Variants in SLC4A1 observed in about 807,000 individuals in gnomAD.
The protein encoded by SLC4A1 is band 3 anion transport protein.
In SLC4A1, 29 loss-of-function variants were observed where a neutral mutation model predicts 93.1. The ratio of observed to expected loss-of-function variants is 0.31; its 90% CI spans 0.23 to 0.42. SLC4A1 has a LOEUF of 0.42. SLC4A1 is among the 20% of genes least tolerant of loss of function. SLC4A1 has a pLI of 1.00. For synonymous variants in SLC4A1, 469 were observed against 497.2 expected (o/e 0.94, Z 0.76); for missense variants, 965 against 1,190.1 (o/e 0.81, Z 2.78).
chr17:44,254,094 C>T (rs953627844), intron 16 of SLC4A1, among the ~76,000 whole-genome samples: 4 of 151,700 alleles, frequency 2.6e-5, no homozygotes, highest in Admixed American at 6.6e-5. Context: ...CCTGCCTCAG[C>T]CTCCCAAGTA....
At position 44,262,629 on chromosome 17, in the gene SLC4A1, G is replaced by T. The variant is rs908390841; in HGVS notation, c.106+7C>A. Reference sequence around the variant, plus strand: ...TCATCCCAGCTGAGGGAGGGAGAGGGGCTCACCTGCCGGCTCCTCCATCTG... The same window carrying T: ...TCATCCCAGCTGAGGGAGGGAGAGGTGCTCACCTGCCGGCTCCTCCATCTG... On this transcript the variant is annotated splice_region_variant and intron_variant, in intron 3 of 19. Transcript: ENST00000262418. The T allele has an allele frequency of 1.1e-5, 18 of 1,604,034 alleles. No individual in the cohort carries two copies. The highest frequency in any genetic ancestry group is 1.4e-5 in the Non-Finnish European group (17 of 1,173,948).
chr17:44,257,360 T>C lies in SLC4A1; in HGVS notation c.1616A>G (p.Lys539Arg). Residue 539 changes from lysine to arginine, a missense_variant, in exon 13 of 20, where the codon AAG (lysine) becomes AGG (arginine). Physicochemically the swap from Lys to Arg is conservative, Grantham distance 26. Around this residue, in one of 2 missense-constraint regions of SLC4A1, gnomAD observed 770 missense variants for 1,006.6 expected, o/e 0.76. Transcript: ENST00000262418. Reference sequence around the variant, plus strand: ...CCCATAGGCCCCCACCTTGATCAGCTTGGAGAAAGTCTCATAGATGAAGAT... The same window carrying C: ...CCCATAGGCCCCCACCTTGATCAGCCTGGAGAAAGTCTCATAGATGAAGAT... ...SLIFIYETFS[K>R]LIKIFQDHPL... 1.2e-6 allele frequency: 2 copies of C among 1,613,736 alleles called. No individual in the cohort carries two copies. Among genetic ancestry groups the C allele is most frequent in the Non-Finnish European group, 1.7e-6 (2 of 1,179,962 alleles).
intron 8 of SLC4A1, 23 bp downstream of exon 8, chr17:44,259,474 A>C: frequency 6.2e-7 from 1 of 1,605,722 alleles, no homozygotes; most frequent in East Asian, 2.2e-5. Flanking sequence ...TGGAGGGCTG[A>C]GGGTAGAGAT....
intron 16 of SLC4A1, among the ~76,000 whole-genome samples, chr17:44,253,919 C>T (rs1267776332): frequency 1.3e-5 from 2 of 148,662 alleles, no homozygotes; most frequent in Admixed American, 6.7e-5. Context: ...ATCCCCCCGT[C>T]TTGGCTTCCC....
At chr17:44,263,487 C>T (rs538595102) in intron 1 of SLC4A1, among the ~76,000 whole-genome samples, 6 of 152,296 alleles carry the variant, frequency 3.9e-5, no homozygotes, top group Admixed American at 1.3e-4. Context: ...CCCCACCTAG[C>T]CTATTGGCCT....
intron 1 of SLC4A1, among the ~76,000 whole-genome samples, chr17:44,267,289 A>G (rs1189009722): frequency 6.6e-6 from 1 of 152,184 alleles, no homozygotes; most frequent in African/African-American, 2.4e-5. Flanking sequence ...GTGTGACTTC[A>G]ACTCTCTGTG....
At chr17:44,259,787 C>A (rs1260114982) in intron 7 of SLC4A1, 22 bp downstream of exon 7, 1 of 1,613,722 alleles carries the variant, frequency 6.2e-7, no homozygotes, top group Non-Finnish European at 8.5e-7. Flanking sequence ...TGACCCTGAC[C>A]CTGACCCTGT....
rs2047460402 is a variant in SLC4A1 at position 44,262,974 on chromosome 17, C to T, written c.-68-40G>A. 2.6e-6 allele frequency: 4 copies of T among 1,560,134 alleles called. No individual in the cohort carries two copies. In the Admixed American group the frequency reaches 6.7e-5, roughly 26 times the overall value. On this transcript the variant is annotated intron_variant, in intron 1 of 19. Coordinates refer to ENST00000262418, the MANE Select transcript of SLC4A1 (RefSeq NM_000342.4). ...ACAGGCTGAGTGGGGCACAGGGCAT[C>T]CCAGGGTCTCCTGGTCCTCCTCCAG...
chr17:44,255,565 G>A (rs1485312628), intron 14 of SLC4A1, 108 bp downstream of exon 14: 2 of 1,205,164 alleles, frequency 1.7e-6, no homozygotes, highest in East Asian at 4.7e-5. Context: ...TTGGGAATGG[G>A]AATCTGAAAA....
At chr17:44,264,738 G>A (rs543815061) in intron 1 of SLC4A1, among the ~76,000 whole-genome samples, 37 of 152,204 alleles carry the variant, frequency 2.4e-4, no homozygotes, top group African/African-American at 6.7e-4. Flanking sequence ...CTCTGAGCTC[G>A]GGGTCTCAGT....
chr17:44,251,720 C>CTTTTTTTTTTTTTCT (rs2047342603), intron 17 of SLC4A1, 132 bp from the exon 18 acceptor site: 3 of 359,772 alleles, frequency 8.3e-6, no homozygotes, highest in East Asian at 5.1e-5. Context: ...CTTTTCTTTT[C>CTTTTTTTTTTTTTCT]TTTTTTTTTT....
Position 44,259,220 on chromosome 17 carries a change from G to T in SLC4A1, c.819C>A (p.Ala273=). 1 of 1,614,026 alleles carries T rather than the reference G, an allele frequency of 6.2e-7. No homozygotes were observed. Among genetic ancestry groups the T allele is most frequent in the Non-Finnish European group, 8.5e-7 (1 of 1,180,034 alleles). ...CAAGCTGGGTGTAATCGATGTGGGG[G>T]GCCTCAGGTCCCAGCAACACAAAGA... The part of the protein sequence containing the change: ...RFLFVLLGPE[A]PHIDYTQLGR... Residue 273 remains alanine (A), a synonymous_variant, in exon 9 of 20, where the codon GCC becomes GCA. Transcript: ENST00000262418.
At position 44,258,110 on chromosome 17, in the gene SLC4A1, G is replaced by T. The variant is rs375222701; in HGVS notation, c.1158C>A (p.Ile386=). The change falls in exon 11 of 20, where the codon ATC becomes ATA. Residue 386 remains isoleucine, a synonymous_variant. Coordinates refer to ENST00000262418, the MANE Select transcript of SLC4A1 (RefSeq NM_000342.4). The surrounding 1 kb of genome is among the most constrained non-coding windows in gnomAD (Gnocchi z 6.1). ...TCAGGTAATAGGGGTAGCGGCGCCG[G>T]ATATCACGCACCAGGCCCCCGAAGA... ...GQLFGGLVRD[I]RRRYPYYLSD... The T allele has an allele frequency of 1.2e-6, 2 of 1,614,088 alleles. No individual in the cohort carries two copies. The highest frequency in any genetic ancestry group is 8.5e-7 in the Non-Finnish European group (1 of 1,179,994).
rs562121014 is a variant in SLC4A1, at chr17:44,256,878, C to T, written c.1626+472G>A. On this transcript the variant is annotated intron_variant, in intron 13 of 19. Transcript: ENST00000262418. ...ACACAGACATAGACACATATGTTGACACAGACACATATGTTGTCACAGTCA... is the reference window on the plus strand; with the variant it reads ...ACACAGACATAGACACATATGTTGATACAGACACATATGTTGTCACAGTCA... 2.7e-3 allele frequency among the ~76,000 whole-genome samples: 407 copies of T among 152,304 alleles called. 1 individual carries two copies. Among genetic ancestry groups the T allele is most frequent in the African/African-American group, 9.4e-3 (390 of 41,560 alleles).
Position 44,253,349 on chromosome 17 carries a change from G to A in SLC4A1, c.2080C>T (p.Arg694Cys), listed in dbSNP as rs1382237805. 11 of 1,612,622 alleles carry A rather than the reference G, an allele frequency of 6.8e-6. No individual in the cohort carries two copies. Among genetic ancestry groups the A allele is most frequent in the East Asian group, 4.5e-5 (2 of 44,824 alleles). The change falls in exon 17 of 20, where the codon CGC becomes TGC. Residue 694 changes from arginine to cysteine, a missense_variant. By Grantham distance (180) the Arg-to-Cys change is radical (BLOSUM62 -3). This residue lies in a region of SLC4A1 where 770 missense variants were observed against 1,006.6 expected (regional missense o/e 0.76). Coordinates refer to ENST00000262418, the MANE Select transcript of SLC4A1 (RefSeq NM_000342.4). ...AAGCCGGAGCCCTTGACCATCTTGC[G>A]CTCAGGTTTGCTGACAATCAGCCTA... ...ITTLIVSKPE[R>C]KMVKGSGFHL...
intron 13 of SLC4A1, 41 bp from the exon 14 acceptor site, chr17:44,255,887 T>C: frequency 6.2e-7 from 1 of 1,606,498 alleles, no homozygotes; most frequent in Non-Finnish European, 8.5e-7. Flanking sequence ...CTCCCAGCTT[T>C]GGCTTGGGCT....
chr17:44,263,026 T>A, intron 1 of SLC4A1, 92 bp from the exon 2 acceptor site: 1 of 1,049,624 alleles, frequency 9.5e-7, no homozygotes, highest in Non-Finnish European at 1.5e-6. Context: ...GTGGAGGGGA[T>A]CCACGTGTTG....
At chr17:44,261,519 A>C in intron 4 of SLC4A1, 56 bp downstream of exon 4, 1 of 1,614,002 alleles carries the variant, frequency 6.2e-7, no homozygotes, top group East Asian at 2.2e-5. Context: ...TTCCCTGATC[A>C]AATGGTGGGT....
In SLC4A1 at chr17:44,250,538, G is replaced by T. The variant is rs150340150; in HGVS notation, c.2656C>A (p.Leu886Met). The change falls in exon 20 of 20, where the codon CTG (leucine) becomes ATG (methionine). Residue 886 changes from leucine (L) to methionine (M), a missense_variant and splice_region_variant. Transcript: ENST00000262418. Reference protein sequence around the residue: ...LIFRNVELQCLDADDAKATFD... With the variant: ...LIFRNVELQCMDADDAKATFD... The stretch of plus-strand genomic sequence containing the variant: ...GTTGCCTTGGCATCATCAGCATCCA[G>T]CTGGAGGGGAGGGACAGGAGAGAGA... 48 of 1,613,164 alleles carry T rather than the reference G, an allele frequency of 3.0e-5. No homozygotes were observed. The highest frequency in any genetic ancestry group is 1.9e-4 in the South Asian group (17 of 91,076).
Sources: allele counts gnomAD v4.1 joint callset (sites outside exome capture counted in the v4.1 genomes callset), GRCh38; gene constraint gnomAD v4.1.1; regional missense constraint gnomAD v4.1.1; non-coding constraint Gnocchi (gnomAD v3.1); transcripts MANE v1.5; gene names NCBI Gene and HGNC (gene_info 2026-07-23, HGNC 2026-07-21).